The following PFKFB4 variants were observed in gnomAD, a reference collection of about 807,000 sequenced individuals.
The protein encoded by PFKFB4 is 6-phosphofructo-2-kinase/fructose-2,6-biphosphatase 4, also known as 6-phosphofructo-2-kinase/fructose-2,6-bisphosphatase 4.
In PFKFB4, 42 loss-of-function variants were observed where a neutral mutation model predicts 62.8. The observed-to-expected ratio is 0.67, with a 90% CI of 0.52 to 0.86. PFKFB4 has a LOEUF of 0.86. Among genes scored for constraint, PFKFB4 ranks in the 40% least tolerant of loss-of-function variants. PFKFB4 has a pLI of 0.00. For synonymous variants in PFKFB4, 204 were observed against 240.7 expected (o/e 0.85, Z 1.41); for missense variants, 475 against 627.2 (o/e 0.76, Z 2.59).
rs147977517 is a variant in PFKFB4 at position 48,550,150 on chromosome 3, C to G, written c.182G>C (p.Arg61Pro). The G allele has an allele frequency of 2.5e-6, 4 of 1,613,968 alleles. No homozygotes were observed. The highest frequency in any genetic ancestry group is 3.4e-6 in the Non-Finnish European group (4 of 1,179,820). Residue 61 changes from arginine (R) to proline (P), a missense_variant, in exon 2 of 14, where the codon CGA becomes CCA. Coordinates refer to ENST00000232375, the MANE Select transcript of PFKFB4 (RefSeq NM_004567.4). ...GGGCACACCAATCCAGTTCAGGTAT[C>G]GAGTCAGCTTCTTGGAGATGTAGGT... ...GKTYISKKLT[R>P]YLNWIGVPTR...
intron 9 of PFKFB4, among the ~76,000 whole-genome samples, chr3:48,527,684 C>CCTTTTTTTTT (rs1491452453): frequency 8.2e-6 from 1 of 121,222 alleles, no homozygotes; most frequent in African/African-American, 3.1e-5. Context: ...CGTCCATCAT[C>CCTTTTTTTTT]TTTTTTTTTT....
chr3:48,544,657 G>A (rs2042907968), intron 3 of PFKFB4, among the ~76,000 whole-genome samples: 1 of 151,626 alleles, frequency 6.6e-6, no homozygotes, highest in Admixed American at 6.6e-5. Flanking sequence ...ATGTTGCCCA[G>A]GCTTACACAA....
At chr3:48,540,365 G>A (rs1013371225) in intron 4 of PFKFB4, among the ~76,000 whole-genome samples, 4 of 152,212 alleles carry the variant, frequency 2.6e-5, no homozygotes, top group Non-Finnish European at 5.9e-5. Context: ...GCACTCCAGA[G>A]GGTGCAGTGG....
At chr3:48,543,708 G>A in intron 3 of PFKFB4, 62 bp from the exon 4 acceptor site, 1 of 1,332,110 alleles carries the variant, frequency 7.5e-7, no homozygotes, top group Non-Finnish European at 1.1e-6. Flanking sequence ...AGGGTGGCCA[G>A]GGACACACAA....
At chr3:48,540,296 T>C (rs1025138942) in intron 4 of PFKFB4, among the ~76,000 whole-genome samples, 2 of 152,162 alleles carry the variant, frequency 1.3e-5, no homozygotes, top group African/African-American at 4.8e-5. Context: ...CTCAGAGTCA[T>C]GTAGGAAACC....
intron 7 of PFKFB4, 75 bp downstream of exon 7, chr3:48,538,423 G>A: frequency 1.3e-6 from 2 of 1,568,476 alleles, no homozygotes; most frequent in Non-Finnish European, 1.7e-6. Flanking sequence ...ACCATGGGGA[G>A]CCATAGGAGG....
chr3:48,545,417 C>A (rs995583376), intron 3 of PFKFB4, among the ~76,000 whole-genome samples: 3 of 152,200 alleles, frequency 2.0e-5, no homozygotes, highest in Non-Finnish European at 2.9e-5. Context: ...CAAGCTTGAG[C>A]CACAGTGCCC....
At chr3:48,553,028 A>G (rs2043202162) in intron 1 of PFKFB4, among the ~76,000 whole-genome samples, 2 of 152,368 alleles carry the variant, frequency 1.3e-5, no homozygotes, top group African/African-American at 4.8e-5. Flanking sequence ...GGGAAATTCC[A>G]GCCATAAGAA....
At chr3:48,562,899 G>A (rs903310048), upstream of PFKFB4, 3 of 1,605,176 alleles carry the variant, frequency 1.9e-6, no homozygotes, top group South Asian at 1.1e-5. This position sits in a 1 kb window ranked among gnomAD's most constrained non-coding sequence, Gnocchi z 4.3. Context: ...GGGACATCCA[G>A]CGATAGGACA....
At chr3:48,537,912 T>A (rs1390249825) in intron 7 of PFKFB4, among the ~76,000 whole-genome samples, 1 of 152,208 alleles carries the variant, frequency 6.6e-6, no homozygotes, top group Non-Finnish European at 1.5e-5. Flanking sequence ...TATTTTCCCA[T>A]GTCTCTCCAC....
At chr3:48,542,545 T>C (rs1486361527) in intron 4 of PFKFB4, among the ~76,000 whole-genome samples, 3 of 151,986 alleles carry the variant, frequency 2.0e-5, no homozygotes, top group South Asian at 2.1e-4. Context: ...AAGAGTGTTA[T>C]GATGAAAAGG....
chr3:48,523,508 C>T (rs1017132237), intron 12 of PFKFB4, 29 bp downstream of exon 12: 2 of 1,602,820 alleles, frequency 1.2e-6, no homozygotes, highest in Non-Finnish European at 1.7e-6. Context: ...CATGGCTACC[C>T]ATGGTCAATG....
At chr3:48,523,394 A>G in intron 12 of PFKFB4, 143 bp downstream of exon 12, 2 of 800,326 alleles carry the variant, frequency 2.5e-6, no homozygotes, top group South Asian at 1.6e-5. Flanking sequence ...AAAGAAAAAA[A>G]GCAAATTGGG....
chr3:48,533,849 C>T (rs115976074), intron 9 of PFKFB4, among the ~76,000 whole-genome samples: 2,157 of 152,120 alleles, frequency 0.014, 59 homozygotes, highest in African/African-American at 0.049. Context: ...AGCAAACCTC[C>T]GTCTCAAAAA....
In PFKFB4 at chr3:48,550,117, C is replaced by T. The variant is rs746534202; in HGVS notation, c.214+1G>A. 1 of 1,606,566 alleles carries T rather than the reference C, an allele frequency of 6.2e-7. No individual in the cohort carries two copies. The highest frequency in any genetic ancestry group is 8.5e-7 in the Non-Finnish European group (1 of 1,173,098). On this transcript the variant is annotated splice_donor_variant, in intron 2 of 13. Transcript: ENST00000232375. LOFTEE classifies it high-confidence loss of function. ...CTTAGACAGCTGGGGCCAAGCCTCA[C>T]CCCGAGTGGGCACACCAATCCAGTT...
chr3:48,533,411 G>C (rs1019036808), intron 9 of PFKFB4, among the ~76,000 whole-genome samples: 1 of 152,094 alleles, frequency 6.6e-6, no homozygotes, highest in African/African-American at 2.4e-5. Flanking sequence ...AACAAAAGCA[G>C]GGGTGGTAAT....
intron 9 of PFKFB4, among the ~76,000 whole-genome samples, chr3:48,528,422 G>A (rs1019544960): frequency 5.9e-5 from 9 of 152,222 alleles, no homozygotes; most frequent in African/African-American, 1.9e-4. Flanking sequence ...AGCACTTTGG[G>A]AGGCCAAGGC....
chr3:48,530,678 G>C (rs140416424), intron 9 of PFKFB4, among the ~76,000 whole-genome samples: 46 of 152,270 alleles, frequency 3.0e-4, no homozygotes, highest in African/African-American at 1.1e-3. Context: ...CTCAAAGCAA[G>C]TATATGCTTT....
At chr3:48,528,335 C>T (rs936644865) in intron 9 of PFKFB4, among the ~76,000 whole-genome samples, 1 of 152,098 alleles carries the variant, frequency 6.6e-6, no homozygotes, top group Non-Finnish European at 1.5e-5. Flanking sequence ...CTACTCCTAG[C>T]GTACAGTGAG....
Sources: allele counts gnomAD v4.1 joint callset (sites outside exome capture counted in the v4.1 genomes callset), GRCh38; gene constraint gnomAD v4.1.1; non-coding constraint Gnocchi (gnomAD v3.1); transcripts MANE v1.5; gene names NCBI Gene and HGNC (gene_info 2026-07-23, HGNC 2026-07-21).